The following RNF130 variants were observed in gnomAD, a reference collection of about 807,000 sequenced individuals.
The protein encoded by RNF130 is E3 ubiquitin-protein ligase RNF130.
RNF130 carries 21 observed loss-of-function variants against 44.6 expected under a neutral mutation model. The observed-to-expected ratio is 0.47, with a 90% CI of 0.33 to 0.68. RNF130 has a LOEUF of 0.68. Among genes scored for constraint, RNF130 ranks in the 30% least tolerant of loss-of-function variants. The probability of loss-of-function intolerance (pLI) is 0.02; values close to 1 mark genes in which losing one functional copy is unlikely to be tolerated. For synonymous variants in RNF130, 214 were observed against 210.4 expected, an observed-to-expected ratio of 1.02 and a Z score of -0.15; for missense variants, 479 against 560.6, an observed-to-expected ratio of 0.85 and a Z score of 1.47.
intron 6 of RNF130, among the ~76,000 whole-genome samples, chr5:179,969,383 G>A (rs1455633263): frequency 6.6e-6 from 1 of 151,594 alleles, no homozygotes; most frequent in African/African-American, 2.4e-5. Flanking sequence ...AGAGATCAAA[G>A]TCAAACTTCA....
chr5:180,018,252 G>A (rs1400937454), intron 2 of RNF130, among the ~76,000 whole-genome samples: 1 of 149,740 alleles, frequency 6.7e-6, no homozygotes, highest in Non-Finnish European at 1.5e-5. Context: ...CCGAGACTGT[G>A]CCACTGCACT....
downstream of RNF130, among the ~76,000 whole-genome samples, chr5:179,954,561 G>A (rs1762173473): frequency 6.6e-6 from 1 of 152,206 alleles, no homozygotes; most frequent in South Asian, 2.1e-4. Context: ...GGTTTCCAGG[G>A]CTGGCAAGGG....
intron 8 of RNF130, 150 bp downstream of exon 8, chr5:179,963,321 C>A: frequency 1.6e-6 from 1 of 618,400 alleles, no homozygotes; most frequent in South Asian, 1.9e-5. Context: ...AATATATGCT[C>A]ATGAAATAAA....
intron 5 of RNF130, among the ~76,000 whole-genome samples, chr5:179,973,195 A>G (rs1021769418): frequency 3.9e-5 from 6 of 152,082 alleles, no homozygotes; most frequent in African/African-American, 4.8e-5. Context: ...CAACTCACCC[A>G]GAGATCTTCA....
rs370237906 is a variant in RNF130, at chr5:179,930,307, T to C, written c.1151-9881A>G. The stretch of plus-strand genomic sequence containing the variant: ...TCCTGACCTCGTGATCTGCCCGCCT[T>C]GGCCTCCCAGAGTGCTAGGATTACA... On this transcript the variant is annotated intron_variant, in intron 7 of 7. Transcript: ENST00000522208. 9.2e-5 allele frequency among the ~76,000 whole-genome samples: 14 copies of C among 152,294 alleles called. No homozygotes were observed. The East Asian group carries it at 1.7e-3, about 19-fold the overall frequency.
intron 1 of RNF130, among the ~76,000 whole-genome samples, chr5:180,064,239 T>C (rs1389136014): frequency 6.6e-6 from 1 of 152,050 alleles, no homozygotes; most frequent in African/African-American, 2.4e-5. Context: ...GTCACTGGAG[T>C]TGGAGAAGAT....
At chr5:180,071,394 T>C in intron 1 of RNF130, 62 bp downstream of exon 1, 2 of 1,224,916 alleles carry the variant, frequency 1.6e-6, no homozygotes, top group Non-Finnish European at 2.0e-6. Flanking sequence ...CCGGGAACCC[T>C]AGTCCCGCCG....
intron 3 of RNF130, among the ~76,000 whole-genome samples, chr5:179,987,159 CT>C (rs1762973183): frequency 1.3e-5 from 2 of 149,508 alleles, no homozygotes; most frequent in African/African-American, 5.1e-5. Context: ...TCCTTCCTTC[CT>C]TTCTTTCTTC....
At chr5:179,921,849 CG>C (rs1186649232) in intron 7 of RNF130, among the ~76,000 whole-genome samples, 1 of 150,692 alleles carries the variant, frequency 6.6e-6, no homozygotes, top group East Asian at 2.0e-4. Flanking sequence ...AGTGAAACCC[CG>C]TCTCTACTAA....
At chr5:179,929,049 G>C (rs1582124910) in intron 7 of RNF130, among the ~76,000 whole-genome samples, 1 of 152,128 alleles carries the variant, frequency 6.6e-6, no homozygotes, top group East Asian at 1.9e-4. Context: ...CCTATCTGAA[G>C]GTTTTGATGA....
At position 179,962,925 on chromosome 5, in the gene RNF130, C is replaced by T. The variant is rs184995510; in HGVS notation, c.1244+546G>A. 5.9e-5 allele frequency among the ~76,000 whole-genome samples: 9 copies of T among 152,302 alleles called. No homozygotes were observed. The East Asian group carries it at 1.4e-3, about 23-fold the overall frequency. On this transcript the variant is annotated intron_variant, in intron 8 of 8. Coordinates refer to ENST00000521389, the MANE Select transcript of RNF130 (RefSeq NM_018434.6). The stretch of plus-strand genomic sequence containing the variant: ...GCCTGCTCTTTGGTCGCCATTTTGC[C>T]CATGGAGATAGCGCTTAGACTTATT...
At chr5:179,913,597 G>C (rs1465317038) in exon 8 of RNF130, 1 of 152,328 alleles carries the variant, frequency 6.6e-6, no homozygotes, top group African/African-American at 2.4e-5. Context: ...ATGGTCACTG[G>C]AGGCTGTGGG....
intron 1 of RNF130, among the ~76,000 whole-genome samples, chr5:180,068,524 G>A (rs1345904281): frequency 3.9e-5 from 6 of 152,138 alleles, no homozygotes; most frequent in East Asian, 1.9e-4. Context: ...AGTATACTAC[G>A]TAAAGTATAG....
chr5:179,926,762 A>G (rs1761712613), intron 7 of RNF130, among the ~76,000 whole-genome samples: 1 of 152,272 alleles, frequency 6.6e-6, no homozygotes. Flanking sequence ...CCAGTTGGTC[A>G]GAAGCATGGG....
chr5:179,935,504 A>G (rs1274971005), intron 7 of RNF130, among the ~76,000 whole-genome samples: 1 of 139,178 alleles, frequency 7.2e-6, no homozygotes, highest in Admixed American at 8.0e-5. Context: ...TTCATTAAAG[A>G]TATGTCAGCA....
At chr5:180,013,422 G>A in intron 2 of RNF130, 111 bp from the exon 3 acceptor site, 2 of 945,588 alleles carry the variant, frequency 2.1e-6, no homozygotes, top group Non-Finnish European at 3.1e-6. Flanking sequence ...AATGGAAAGG[G>A]TATGCAAACT....
At chr5:179,925,863 A>G (rs1761700763) in intron 7 of RNF130, among the ~76,000 whole-genome samples, 1 of 152,214 alleles carries the variant, frequency 6.6e-6, no homozygotes, top group Admixed American at 6.6e-5. Context: ...TGGAAGACGT[A>G]GGCCCAGAAC....
At position 179,977,217 on chromosome 5, in the gene RNF130, C is replaced by T. The variant is rs1762731523; in HGVS notation, c.848+986G>A. The stretch of plus-strand genomic sequence containing the variant: ...AATTATAGGAGACAGTGAGTATAGT[C>T]TGCTCAGAGCAGAGCATCTGAACCA... On this transcript the variant is annotated intron_variant, in intron 5 of 8. Coordinates refer to ENST00000521389, the MANE Select transcript of RNF130 (RefSeq NM_018434.6). The surrounding 1 kb of genome is among the most constrained non-coding windows in gnomAD (Gnocchi z 4.1). The T allele has an allele frequency of 6.6e-6, 1 of 152,306 alleles. No homozygotes were observed. The highest frequency in any genetic ancestry group is 2.4e-5 in the African/African-American group (1 of 41,454). The allele number at this position is 152,306 out of a possible 1,614,324, so 9.4% of individuals were successfully genotyped here. A position where few individuals can be genotyped will look rare whatever the true frequency, so the allele number is the denominator to read the frequency against.
At chr5:179,974,319 C>A (rs961679984) in intron 5 of RNF130, among the ~76,000 whole-genome samples, 1 of 152,162 alleles carries the variant, frequency 6.6e-6, no homozygotes, top group Non-Finnish European at 1.5e-5. Context: ...GTACTTCTAA[C>A]GACTACACAC....
Sources: gnomAD v4.1 joint callset for allele counts (sites outside exome capture counted in the v4.1 genomes callset) on GRCh38, gnomAD v4.1.1 for gene constraint, Gnocchi (gnomAD v3.1) non-coding constraint, MANE v1.5 for transcripts, NCBI Gene and HGNC (gene_info 2026-07-23, HGNC 2026-07-21) for gene names.